The following RNF43 variants were observed in gnomAD, a reference collection of about 807,000 sequenced individuals.
The protein encoded by RNF43 is E3 ubiquitin-protein ligase RNF43.
In RNF43, 37 loss-of-function variants were observed where a neutral mutation model predicts 78.4. That is an observed-to-expected ratio of 0.47 (90% CI 0.36 to 0.62). The LOEUF is 0.62. Among genes scored for constraint, RNF43 ranks in the 20% least tolerant of loss-of-function variants. The probability of loss-of-function intolerance (pLI) is 0.00; values close to 1 mark genes in which losing one functional copy is unlikely to be tolerated. For missense variants in RNF43, 774 were observed against 1,007.9 expected (o/e 0.77, Z 3.14); for synonymous variants, 347 against 395.0 (o/e 0.88, Z 1.44).
In RNF43 at chr17:58,374,869, A is replaced by G. The variant is rs1178195845; in HGVS notation, c.253-3836T>C. Among the ~76,000 whole-genome samples the G allele has an allele frequency of 7.2e-5, 11 of 152,102 alleles. No individual in the cohort carries two copies. The South Asian group carries it at 8.3e-4, about 11-fold the overall frequency. On this transcript the variant is annotated intron_variant, in intron 2 of 9. Coordinates refer to ENST00000407977, the MANE Select transcript of RNF43 (RefSeq NM_017763.6). Reference sequence around the variant, plus strand: ...ATCTTAAGTAGAACACCTCAAACTCAGCATGCTCAAGACTGAACTCATTCT... The same window carrying G: ...ATCTTAAGTAGAACACCTCAAACTCGGCATGCTCAAGACTGAACTCATTCT...
Position 58,357,364 on chromosome 17 carries a change from C to G in RNF43, c.2308+104G>C, listed in dbSNP as rs572097911. The stretch of plus-strand genomic sequence containing the variant: ...TTTTGGTTGTCATCTCTGCTGTATC[C>G]TTCTCAGCTTCCATCAACCCTTTGT... On this transcript the variant is annotated intron_variant, in intron 9 of 9. Transcript: ENST00000407977. This position sits in a 1 kb window ranked among gnomAD's most constrained non-coding sequence, Gnocchi z 4.5. 2.8e-6 allele frequency: 4 copies of G among 1,430,250 alleles called. No homozygotes were observed. In the African/African-American group the frequency reaches 5.6e-5, roughly 20 times the overall value. The allele number at this position is 1,430,250 out of a possible 1,614,324, so 88.6% of individuals were successfully genotyped here. A position where few individuals can be genotyped will look rare whatever the true frequency, so the allele number is the denominator to read the frequency against.
chr17:58,396,425 G>C (rs971852320), intron 2 of RNF43, among the ~76,000 whole-genome samples: 2 of 152,188 alleles, frequency 1.3e-5, no homozygotes, highest in African/African-American at 4.8e-5. Flanking sequence ...CTTAGACAAG[G>C]CTGAAACAGA....
chr17:58,364,601 A>T (rs1972909992), intron 3 of RNF43, among the ~76,000 whole-genome samples: 1 of 152,208 alleles, frequency 6.6e-6, no homozygotes, highest in Non-Finnish European at 1.5e-5. Flanking sequence ...CTCCCGGCCT[A>T]GCACAGCCAC....
chr17:58,412,135 A>G (rs1349009790), intron 2 of RNF43, among the ~76,000 whole-genome samples: 2 of 152,222 alleles, frequency 1.3e-5, no homozygotes, highest in Non-Finnish European at 2.9e-5. Context: ...TCAGTGGAAA[A>G]CAAAAGAAAA....
chr17:58,367,781 A>G (rs1029692512), intron 3 of RNF43, among the ~76,000 whole-genome samples: 27 of 152,350 alleles, frequency 1.8e-4, no homozygotes, highest in Admixed American at 9.8e-4. Flanking sequence ...TTCAGAAAAG[A>G]ATAAGCGAGA....
chr17:58,356,640 C>A (rs1972689246), intron 9 of RNF43, among the ~76,000 whole-genome samples: 1 of 152,148 alleles, frequency 6.6e-6, no homozygotes, highest in African/African-American at 2.4e-5. Flanking sequence ...CACAGGGCTG[C>A]TGGGAACCAC....
Position 58,362,544 on chromosome 17 carries a change from C to A in RNF43, c.687G>T (p.Pro229=), listed in dbSNP as rs779321417. 6.2e-7 allele frequency: 1 copy of A among 1,607,650 alleles called. No individual in the cohort carries two copies. The highest frequency in any genetic ancestry group is 8.5e-7 in the Non-Finnish European group (1 of 1,176,706). Residue 229 remains proline (P), a splice_region_variant and synonymous_variant, in exon 6 of 10, where the codon CCG becomes CCT. Transcript: ENST00000407977. ...CCGCCAAAGACCCCACACTGCTCAC[C>A]GGCCTGCTGTGGCGGGGGCGGCACC... ...RIRCRPRHSR[P]DPLQQRTAWA...
chr17:58,371,769 T>C (rs1247265109), intron 2 of RNF43, among the ~76,000 whole-genome samples: 2 of 152,236 alleles, frequency 1.3e-5, no homozygotes, highest in East Asian at 1.9e-4. Context: ...CCATCTGCTC[T>C]AAGGGCAGAT....
intron 3 of RNF43, among the ~76,000 whole-genome samples, chr17:58,366,058 G>A (rs1331073575): frequency 6.6e-6 from 1 of 152,192 alleles, no homozygotes; most frequent in Non-Finnish European, 1.5e-5. Flanking sequence ...AGCACCTACC[G>A]TGCCCAGGGC....
intron 2 of RNF43, among the ~76,000 whole-genome samples, chr17:58,414,007 A>C (rs953731403): frequency 2.2e-4 from 34 of 152,224 alleles, no homozygotes; most frequent in Admixed American, 1.2e-3. Context: ...AAGATGATTT[A>C]TGAGTTCAGC....
At position 58,358,705 on chromosome 17, in the gene RNF43, G is replaced by C. The variant is rs1309261669; in HGVS notation, c.1071C>G (p.Tyr357Ter). 1 of 1,546,016 alleles carries C rather than the reference G, an allele frequency of 6.5e-7. No individual in the cohort carries two copies. Among genetic ancestry groups the C allele is most frequent in the Non-Finnish European group, 8.7e-7 (1 of 1,144,414 alleles). ...GHAHYHLPAAYLLGPSRSAVA... is the reference protein window; with the variant it reads ...GHAHYHLPAA The stretch of plus-strand genomic sequence containing the variant: ...CTGCACTCCGGGAAGGGCCCAACAG[G>C]TAGGCAGCAGGGAGGTGGTAGTGGG... Residue 357 changes from tyrosine to a stop codon, truncating the protein, a stop_gained, in exon 9 of 10, where the codon TAC (tyrosine) becomes TAG (stop). Transcript: ENST00000407977. LOFTEE classifies it high-confidence loss of function. The surrounding 1 kb of genome is among the most constrained non-coding windows in gnomAD (Gnocchi z 6.2).
Position 58,358,614 on chromosome 17 carries a change from G to T in RNF43, c.1162C>A (p.His388Asn). 1 of 1,561,982 alleles carries T rather than the reference G, an allele frequency of 6.4e-7. No individual in the cohort carries two copies. ...GGATGTGCAGCTCTGGGGAAGCGGTGATGCCGAGGGCCCATGCCTGGCTCC... is the reference window on the plus strand; with the variant it reads ...GGATGTGCAGCTCTGGGGAAGCGGTTATGCCGAGGGCCCATGCCTGGCTCC... The part of the protein sequence containing the change: ...SQEPGMGPRH[H>N]RFPRAAHPRA... The change falls in exon 9 of 10, where the codon CAC (histidine) becomes AAC (asparagine). Residue 388 changes from histidine (H) to asparagine (N), a missense_variant. Physicochemically the swap from His to Asn is moderately conservative, Grantham distance 68. Transcript: ENST00000407977. This position sits in a 1 kb window ranked among gnomAD's most constrained non-coding sequence, Gnocchi z 6.2.
rs894651689 is a variant in RNF43 at position 58,406,391 on chromosome 17, C to T, written c.252+8935G>A. Among the ~76,000 whole-genome samples the T allele has an allele frequency of 5.3e-5, 8 of 152,134 alleles. No homozygotes were observed. In the East Asian group the frequency reaches 1.5e-3, roughly 29 times the overall value. On this transcript the variant is annotated intron_variant, in intron 2 of 9. Coordinates refer to ENST00000407977, the MANE Select transcript of RNF43 (RefSeq NM_017763.6). ...AAGCACTAATCTGAGTTCAATTCTT[C>T]ATATATAAAATGAGAAGACTGGACT...
At chr17:58,379,043 A>G (rs1004963763) in intron 2 of RNF43, among the ~76,000 whole-genome samples, 1 of 152,212 alleles carries the variant, frequency 6.6e-6, no homozygotes, top group Non-Finnish European at 1.5e-5. Context: ...CTCAAGTTAC[A>G]GATTGCCCAC....
At chr17:58,375,832 C>T (rs1973194139) in intron 2 of RNF43, among the ~76,000 whole-genome samples, 1 of 152,260 alleles carries the variant, frequency 6.6e-6, no homozygotes, top group African/African-American at 2.4e-5. Context: ...TTCCCTCCTT[C>T]CCTTCCAAGA....
chr17:58,397,144 T>A, intron 2 of RNF43, among the ~76,000 whole-genome samples: 1 of 151,980 alleles, frequency 6.6e-6, no homozygotes, highest in Non-Finnish European at 1.5e-5. Flanking sequence ...AAAATAAATG[T>A]ATGTGTACAA....
At chr17:58,386,401 TG>T (rs1316935591) in intron 2 of RNF43, among the ~76,000 whole-genome samples, 1 of 152,174 alleles carries the variant, frequency 6.6e-6, no homozygotes, top group African/African-American at 2.4e-5. Context: ...CACTCCAGCC[TG>T]GGCAACAGAG....
At chr17:58,414,074 T>C (rs1169658130) in intron 2 of RNF43, among the ~76,000 whole-genome samples, 1 of 152,188 alleles carries the variant, frequency 6.6e-6, no homozygotes, top group Non-Finnish European at 1.5e-5. Flanking sequence ...AAAAAAATCT[T>C]ATGCCATTTT....
intron 6 of RNF43, among the ~76,000 whole-genome samples, chr17:58,362,027 A>G (rs1283120747): frequency 1.3e-5 from 2 of 152,018 alleles, no homozygotes; most frequent in Non-Finnish European, 2.9e-5. Flanking sequence ...CAGAGATTGC[A>G]GTGAGCCGAG....
Sources: gnomAD v4.1 joint callset for allele counts (sites outside exome capture counted in the v4.1 genomes callset) on GRCh38, gnomAD v4.1.1 for gene constraint, Gnocchi (gnomAD v3.1) non-coding constraint, MANE v1.5 for transcripts, NCBI Gene and HGNC (gene_info 2026-07-23, HGNC 2026-07-21) for gene names.